ITGA4: variants seen among roughly 807,000 people sequenced by gnomAD.
The protein encoded by ITGA4 is integrin alpha-4.
ITGA4 carries 63 observed loss-of-function variants against 133.6 expected under a neutral mutation model. The observed-to-expected ratio is 0.47, with a 90% CI of 0.38 to 0.58. ITGA4 has a LOEUF of 0.58. ITGA4 is among the 20% of genes least tolerant of loss of function. The probability of loss-of-function intolerance (pLI) is 0.00; values close to 1 mark genes in which losing one functional copy is unlikely to be tolerated. For synonymous variants in ITGA4, 483 were observed against 438.0 expected, an observed-to-expected ratio of 1.10 and a Z score of -1.28; for missense variants, 1,076 against 1,252.7, an observed-to-expected ratio of 0.86 and a Z score of 2.13.
intron 17 of ITGA4, among the ~76,000 whole-genome samples, chr2:181,512,095 A>G (rs1253702695): frequency 6.6e-6 from 1 of 152,072 alleles, no homozygotes; most frequent in Non-Finnish European, 1.5e-5. Context: ...GACTGGATAA[A>G]TGTTGGTTGC....
chr2:181,469,901 A>T (rs1574378501), intron 2 of ITGA4, among the ~76,000 whole-genome samples: 1 of 135,612 alleles, frequency 7.4e-6, no homozygotes, highest in South Asian at 2.7e-4. Context: ...AACATCACAC[A>T]CCGGGGCCTG....
rs550240348 is a variant in ITGA4, at chr2:181,519,918, C to T, written c.1923-2273C>T. Reference sequence around the variant, plus strand: ...TTCTGACATGTTGCTTGGACACCACCGAACCCTTCTTTACATTTAATACAG... The same window carrying T: ...TTCTGACATGTTGCTTGGACACCACTGAACCCTTCTTTACATTTAATACAG... On this transcript the variant is annotated intron_variant, in intron 17 of 27. Coordinates refer to ENST00000397033, the MANE Select transcript of ITGA4 (RefSeq NM_000885.6). 7.9e-5 allele frequency among the ~76,000 whole-genome samples: 12 copies of T among 152,120 alleles called. No individual in the cohort carries two copies. In the South Asian group the frequency reaches 2.3e-3, roughly 29 times the overall value.
rs760250040 is a variant in ITGA4, at chr2:181,530,520, A to G, written c.2539-4A>G. The G allele has an allele frequency of 8.7e-6, 14 of 1,609,580 alleles. No individual in the cohort carries two copies. The South Asian group carries it at 1.5e-4, about 18-fold the overall frequency. On this transcript the variant is annotated splice_region_variant and splice_polypyrimidine_tract_variant and intron_variant, in intron 23 of 27. Transcript: ENST00000397033. The stretch of plus-strand genomic sequence containing the variant: ...AAGATTTCTCTTGCTTTCTGTCTTC[A>G]TAGACTACTACTGGAGAATGCCACT...
chr2:181,485,141 T>C (rs1299706448), intron 9 of ITGA4, among the ~76,000 whole-genome samples: 1 of 152,208 alleles, frequency 6.6e-6, no homozygotes, highest in Non-Finnish European at 1.5e-5. Context: ...GCTTCAATCA[T>C]GTCACTCCTC....
At chr2:181,461,539 A>T (rs1389919368) in intron 2 of ITGA4, among the ~76,000 whole-genome samples, 1 of 152,046 alleles carries the variant, frequency 6.6e-6, no homozygotes, top group Non-Finnish European at 1.5e-5. Context: ...GGAAACTTTA[A>T]TCACAGCTGG....
intron 14 of ITGA4, among the ~76,000 whole-genome samples, chr2:181,497,039 C>G (rs1003585090): frequency 6.6e-6 from 1 of 152,086 alleles, no homozygotes; most frequent in Non-Finnish European, 1.5e-5. Context: ...AAAGTCATGG[C>G]CAGAGCTACA....
chr2:181,482,649 T>G lies in ITGA4; in HGVS notation c.1039T>G (p.Ser347Ala). 6.2e-7 allele frequency: 1 copy of G among 1,613,516 alleles called. No homozygotes were observed. The highest frequency in any genetic ancestry group is 2.2e-5 in the East Asian group (1 of 44,870). Reference protein sequence around the residue: ...GRVFVYINSGSGAVMNAMETN... With the variant: ...GRVFVYINSGAGAVMNAMETN... ...AGTGTTTGTGTACATCAACTCTGGC[T>G]CGGTATGTCCAAGTGCCCCAACTGG... The change falls in exon 9 of 28, where the codon TCG (serine) becomes GCG (alanine). Residue 347 changes from serine (S) to alanine (A), a missense_variant and splice_region_variant. Physicochemically the swap from Ser to Ala is moderately conservative, Grantham distance 99 (BLOSUM62 1). Around this residue, in one of 4 missense-constraint regions of ITGA4, gnomAD observed 436 missense variants for 590.7 expected, o/e 0.74. Transcript: ENST00000397033.
chr2:181,507,902 G>A (rs1279612879), intron 15 of ITGA4, among the ~76,000 whole-genome samples: 2 of 152,084 alleles, frequency 1.3e-5, no homozygotes, highest in African/African-American at 2.4e-5. Flanking sequence ...AGACTTGAGA[G>A]TCTAGGACAC....
intron 4 of ITGA4, chr2:181,476,000 C>T: frequency 3.4e-6 from 4 of 1,162,796 alleles, no homozygotes; most frequent in South Asian, 2.4e-5. Context: ...CAAAAAAAAT[C>T]CCTCAGCACG....
At chr2:181,484,773 T>C (rs910447074) in intron 9 of ITGA4, among the ~76,000 whole-genome samples, 1 of 152,190 alleles carries the variant, frequency 6.6e-6, no homozygotes, top group Non-Finnish European at 1.5e-5. Context: ...TATAAGTACA[T>C]ACAAAGTGGA....
intron 15 of ITGA4, among the ~76,000 whole-genome samples, chr2:181,499,148 G>A (rs1302653292): frequency 6.6e-6 from 1 of 152,126 alleles, no homozygotes. Context: ...GGTCAGGGGA[G>A]GCAGGGAAGT....
chr2:181,491,044 A>G (rs1052682515), intron 10 of ITGA4, among the ~76,000 whole-genome samples: 4 of 152,246 alleles, frequency 2.6e-5, no homozygotes, highest in African/African-American at 9.6e-5. Flanking sequence ...CTAGAACTTT[A>G]TTATATAACA....
intron 17 of ITGA4, among the ~76,000 whole-genome samples, chr2:181,514,673 T>C (rs1353321191): frequency 6.6e-6 from 1 of 152,102 alleles, no homozygotes; most frequent in Non-Finnish European, 1.5e-5. Context: ...GGGAAATCTT[T>C]TCTAAGCTGC....
In ITGA4 at chr2:181,457,710, C is replaced by A; in HGVS notation, c.56C>A (p.Thr19Lys). The A allele has an allele frequency of 6.2e-7, 1 of 1,612,356 alleles. No homozygotes were observed. The highest frequency in any genetic ancestry group is 8.5e-7 in the Non-Finnish European group (1 of 1,179,666). ...CCCCGAAGGGCCGCCGTCCGGGAGA[C>A]GGTGATGCTGTTGCTGTGCCTGGGG... ...PGPRRAAVRE[T>K]VMLLLCLGVP... Residue 19 changes from threonine (T) to lysine (K), a missense_variant, in exon 1 of 28, where the codon ACG (threonine) becomes AAG (lysine). By Grantham distance (78) the Thr-to-Lys change is moderately conservative. This residue lies in a region of ITGA4 where 82 missense variants were observed against 68.3 expected (regional missense o/e 1.20). Coordinates refer to ENST00000397033, the MANE Select transcript of ITGA4 (RefSeq NM_000885.6).
At position 181,498,734 on chromosome 2, in the gene ITGA4, C is replaced by T; in HGVS notation, c.1652C>T (p.Ser551Phe). The T allele has an allele frequency of 6.2e-7, 1 of 1,611,572 alleles. No individual in the cohort carries two copies. The highest frequency in any genetic ancestry group is 8.5e-7 in the Non-Finnish European group (1 of 1,178,612). ...SDVITGSIQV[S>F]SREANCRTHQ... ...GTGATTACAGGAAGCATACAGGTGT[C>T]CAGCAGAGAAGCTAACTGTAGAACA... The change falls in exon 15 of 28, where the codon TCC (serine) becomes TTC (phenylalanine). Residue 551 changes from serine (S) to phenylalanine (F), a missense_variant. Coordinates refer to ENST00000397033, the MANE Select transcript of ITGA4 (RefSeq NM_000885.6).
At chr2:181,510,916 GAA>G (rs34362401) in intron 16 of ITGA4, among the ~76,000 whole-genome samples, 2 of 150,922 alleles carry the variant, frequency 1.3e-5, no homozygotes, top group Non-Finnish European at 3.0e-5. Context: ...AGAAATGGCA[GAA>G]AAAAAAATCA....
At chr2:181,490,002 C>T (rs1350187220) in intron 10 of ITGA4, among the ~76,000 whole-genome samples, 4 of 152,008 alleles carry the variant, frequency 2.6e-5, no homozygotes, top group Non-Finnish European at 5.9e-5. Context: ...AGGGGGTGCA[C>T]GTGAGAGGGT....
intron 2 of ITGA4, among the ~76,000 whole-genome samples, chr2:181,470,102 G>A (rs1685513197): frequency 1.3e-5 from 2 of 151,998 alleles, no homozygotes; most frequent in African/African-American, 4.8e-5. Context: ...CAAGAATGTG[G>A]AAAAATGGGG....
Position 181,522,014 on chromosome 2 carries a change from GTTC to G in ITGA4, c.1923-171_1923-169del, listed in dbSNP as rs538980293. 3.7e-4 allele frequency among the ~76,000 whole-genome samples: 56 copies of G among 152,184 alleles called. No individual in the cohort carries two copies. In the South Asian group the frequency reaches 0.01, roughly 28 times the overall value. On this transcript the variant is annotated intron_variant, in intron 17 of 27. Transcript: ENST00000397033. ...GAATTTATAAAAAACATGACAAAGA[GTTC>G]TTCTTAATATGGTTTTACATCTGCT... is the stretch of plus-strand genomic sequence containing the variant.
Sources: allele counts gnomAD v4.1 joint callset (sites outside exome capture counted in the v4.1 genomes callset), GRCh38; gene constraint gnomAD v4.1.1; regional missense constraint gnomAD v4.1.1; transcripts MANE v1.5; gene names NCBI Gene and HGNC (gene_info 2026-07-23, HGNC 2026-07-21).